The following FNDC7 variants were observed in gnomAD, a reference collection of about 807,000 sequenced individuals.
The protein encoded by FNDC7 is fibronectin type III domain containing 7, also known as fibronectin type III domain-containing protein 7.
In FNDC7, 66 loss-of-function variants were observed where a neutral mutation model predicts 74.2. The ratio of observed to expected loss-of-function variants is 0.89; its 90% confidence interval spans 0.73 to 1.09. FNDC7 has a LOEUF of 1.09. Among genes scored for constraint, FNDC7 ranks in the 50% least tolerant of loss-of-function variants. The pLI is 0.00. For missense variants in FNDC7, 829 were observed against 893.4 expected, an observed-to-expected ratio of 0.93 and a Z score of 0.92; for synonymous variants, 307 against 330.2, an observed-to-expected ratio of 0.93 and a Z score of 0.76.
At chr1:108,737,938 G>A (rs552391565) in intron 11 of FNDC7, among the ~76,000 whole-genome samples, 51 of 152,232 alleles carry the variant, frequency 3.4e-4, no homozygotes, top group Non-Finnish European at 6.9e-4. Flanking sequence ...GGCATCAGGA[G>A]TTGTAAAAGC....
At chr1:108,721,398 G>C (rs1439345616) in intron 4 of FNDC7, among the ~76,000 whole-genome samples, 1 of 152,174 alleles carries the variant, frequency 6.6e-6, no homozygotes, top group East Asian at 1.9e-4. Context: ...GAACCCCGGA[G>C]GCGGAGTTTG....
chr1:108,740,197 T>C lies in FNDC7; in HGVS notation c.2171-1576T>C, dbSNP rs1240927336. Among the ~76,000 whole-genome samples the C allele has an allele frequency of 2.6e-5, 4 of 151,954 alleles. No homozygotes were observed. In the South Asian group the frequency reaches 8.3e-4, roughly 32 times the overall value. ...CTCCCCAAACACAGAGCAAGTCCAA[T>C]CAGGTCCCTGGGCTGACATTGGAGC... On this transcript the variant is annotated intron_variant, in intron 11 of 12. Transcript: ENST00000370017.
chr1:108,726,488 T>G (rs1661222765), intron 6 of FNDC7, among the ~76,000 whole-genome samples: 1 of 152,120 alleles, frequency 6.6e-6, no homozygotes, highest in Non-Finnish European at 1.5e-5. Context: ...ACCTTGCTAG[T>G]TCCTTAGTAT....
intron 7 of FNDC7, 79 bp from the exon 8 acceptor site, chr1:108,728,553 C>A (rs1179538713): frequency 6.4e-7 from 1 of 1,557,470 alleles, no homozygotes; most frequent in Non-Finnish European, 8.8e-7. Context: ...TCACTGGGGG[C>A]AAAATCAGTT....
Position 108,730,756 on chromosome 1 carries a change from T to A in FNDC7, c.1707T>A (p.Ala569=). 6.2e-7 allele frequency: 1 copy of A among 1,613,912 alleles called. No individual in the cohort carries two copies. The highest frequency in any genetic ancestry group is 8.5e-7 in the Non-Finnish European group (1 of 1,179,894). ...INVSWTIGRV[A]QTHVAVLESH... Reference sequence around the variant, plus strand: ...TGAGCTGGACTATTGGGAGAGTGGCTCAAACCCATGTTGCAGTTCTGGAGT... The same window carrying A: ...TGAGCTGGACTATTGGGAGAGTGGCACAAACCCATGTTGCAGTTCTGGAGT... Residue 569 remains alanine, a synonymous_variant, in exon 9 of 13, where the codon GCT becomes GCA. Coordinates refer to ENST00000370017, the MANE Select transcript of FNDC7 (RefSeq NM_001144937.3).
In FNDC7 at chr1:108,725,768, G is replaced by C. The variant is rs748620381; in HGVS notation, c.875G>C (p.Arg292Thr). 8 of 1,613,990 alleles carry C rather than the reference G, an allele frequency of 5.0e-6. No individual in the cohort carries two copies. In the African/African-American group the frequency reaches 6.7e-5, roughly 13 times the overall value. The change falls in exon 6 of 13, where the codon AGA becomes ACA. Residue 292 changes from arginine to threonine, a missense_variant. Coordinates refer to ENST00000370017, the MANE Select transcript of FNDC7 (RefSeq NM_001144937.3). ...TTCCTAGTTGCTTGTGCACCCGGAA[G>C]AGTGACGATCCAAGAAGATCCCCCT... ...TLKTVACAPG[R>T]VTIQEDPPGH...
At chr1:108,730,292 G>C (rs1004350407) in intron 8 of FNDC7, among the ~76,000 whole-genome samples, 20 of 150,156 alleles carry the variant, frequency 1.3e-4, no homozygotes, top group Admixed American at 1.2e-3. Flanking sequence ...CAGAAGAATC[G>C]CTTGAACCTG....
intron 11 of FNDC7, among the ~76,000 whole-genome samples, chr1:108,740,134 G>A (rs1457874674): frequency 6.6e-6 from 1 of 151,668 alleles, no homozygotes; most frequent in Non-Finnish European, 1.5e-5. Flanking sequence ...TATCTAGGGG[G>A]AAATTCTAAA....
rs998680085 is a variant in FNDC7 at position 108,717,847 on chromosome 1, A to G, written c.153A>G (p.Thr51=). 12 of 1,551,636 alleles carry G rather than the reference A, an allele frequency of 7.7e-6. No individual in the cohort carries two copies. In the African/African-American group the frequency reaches 1.4e-4, roughly 18 times the overall value. The change falls in exon 3 of 13, where the codon ACA becomes ACG. Residue 51 remains threonine, a synonymous_variant. Transcript: ENST00000370017. ...ACAGTATCACTGTAGAATGGGCTAC[A>G]GTGCCGGGTGCCACCAGTTACCTCC... The part of the protein sequence containing the change: ...LSNSITVEWA[T]VPGATSYLLT...
intron 2 of FNDC7, among the ~76,000 whole-genome samples, chr1:108,717,026 G>T (rs1485835578): frequency 1.3e-5 from 2 of 152,132 alleles, no homozygotes; most frequent in Non-Finnish European, 2.9e-5. Context: ...AATGCTTTGT[G>T]TAAGCCCATG....
At chr1:108,714,584 CT>C (rs1660934312) in intron 2 of FNDC7, among the ~76,000 whole-genome samples, 1 of 146,640 alleles carries the variant, frequency 6.8e-6, no homozygotes, top group Non-Finnish European at 1.5e-5. Context: ...GGAGGGTCTG[CT>C]TGGCCATATA....
intron 7 of FNDC7, among the ~76,000 whole-genome samples, chr1:108,728,351 C>T (rs1263120000): frequency 6.6e-6 from 1 of 152,198 alleles, no homozygotes; most frequent in Non-Finnish European, 1.5e-5. Flanking sequence ...CCTGCCTGTA[C>T]TCACACCATG....
rs397981150 is a variant in FNDC7 at position 108,733,649 on chromosome 1, C to CTTT, written c.2140+136_2140+138dup. ...GGCACAGAGGGTATAAAATTTCTTT[C>CTTT]TTTTTTTTTTTTTTTTTTTTTGAGA... On this transcript the variant is annotated intron_variant, in intron 10 of 12. Transcript: ENST00000370017. The CTTT allele has an allele frequency of 8.8e-4, 541 of 613,752 alleles. 2 individuals are homozygous for CTTT. Among genetic ancestry groups the CTTT allele is most frequent in the African/African-American group, 2.7e-3 (117 of 43,426 alleles). The allele number at this position is 613,752 out of a possible 1,614,324, so 38.0% of individuals were successfully genotyped here.
intron 6 of FNDC7, 23 bp downstream of exon 6, chr1:108,726,027 T>A (rs71655960): frequency 5.6e-6 from 9 of 1,611,854 alleles, no homozygotes; most frequent in Non-Finnish European, 7.6e-6. Flanking sequence ...TGATGTTTGT[T>A]AAGGGAGTTC....
At chr1:108,721,271 C>CATCCT (rs1434547278) in intron 4 of FNDC7, among the ~76,000 whole-genome samples, 2 of 152,010 alleles carry the variant, frequency 1.3e-5, no homozygotes, top group East Asian at 3.9e-4. Flanking sequence ...AGATCAAGAA[C>CATCCT]ATCCTGGCTA....
intron 9 of FNDC7, among the ~76,000 whole-genome samples, 175 bp downstream of exon 9, chr1:108,731,103 A>G (rs1661334835): frequency 6.6e-6 from 1 of 152,216 alleles, no homozygotes; most frequent in Admixed American, 6.5e-5. Context: ...TCAAAGCTTC[A>G]GAGGCTTCTG....
At chr1:108,719,215 C>T (rs920489620) in intron 4 of FNDC7, among the ~76,000 whole-genome samples, 166 bp downstream of exon 4, 7 of 152,164 alleles carry the variant, frequency 4.6e-5, no homozygotes, top group East Asian at 1.9e-4. Flanking sequence ...TATTCCTCCT[C>T]GGTAGTTTAA....
chr1:108,722,248 T>G, intron 4 of FNDC7, 87 bp from the exon 5 acceptor site: 1 of 1,313,936 alleles, frequency 7.6e-7, no homozygotes, highest in Non-Finnish European at 1.0e-6. Flanking sequence ...GGGTACCTTA[T>G]CCTCCAGGCT....
intron 4 of FNDC7, among the ~76,000 whole-genome samples, chr1:108,721,936 G>A (rs571114768): frequency 6.6e-6 from 1 of 152,182 alleles, no homozygotes; most frequent in East Asian, 1.9e-4. Context: ...TAATAATAAC[G>A]TACCCACGTG....
Sources: allele counts gnomAD v4.1 joint callset (sites outside exome capture counted in the v4.1 genomes callset), GRCh38; gene constraint gnomAD v4.1.1; transcripts MANE v1.5; gene names NCBI Gene and HGNC (gene_info 2026-07-23, HGNC 2026-07-21).